DERA: variants seen among roughly 807,000 people sequenced by gnomAD.
DERA encodes the protein 2-deoxy-D-ribose 5-phosphate aldolase.
DERA carries 15 observed loss-of-function variants against 41.1 expected under a neutral mutation model. The ratio of observed to expected loss-of-function variants is 0.37; its 90% CI spans 0.24 to 0.56. DERA has a LOEUF of 0.56. Ranked by LOEUF, DERA falls within the 20% of genes least tolerant of loss-of-function variation. DERA has a pLI of 0.81. For missense variants in DERA, 396 were observed against 403.4 expected, an observed-to-expected ratio of 0.98 and a Z score of 0.16; for synonymous variants, 139 against 137.4, an observed-to-expected ratio of 1.01 and a Z score of -0.08.
At chr12:15,926,531 T>C (rs1301350305) in intron 1 of DERA, among the ~76,000 whole-genome samples, 2 of 151,056 alleles carry the variant, frequency 1.3e-5, no homozygotes, top group African/African-American at 4.9e-5. Context: ...GATGAGGAGA[T>C]CGAGACCATC....
chr12:16,008,204 G>C lies in DERA; in HGVS notation c.638-24338G>C, dbSNP rs1948925558. ...TTCTTCAGCAACGTGCAGACACATT[G>C]GTGTACAGATGCTTCATTCGCTAAT... is the stretch of plus-strand genomic sequence containing the variant. On this transcript the variant is annotated intron_variant, in intron 6 of 8. Coordinates refer to ENST00000428559, the MANE Select transcript of DERA (RefSeq NM_015954.4). This position sits in a 1 kb window ranked among gnomAD's most constrained non-coding sequence, Gnocchi z 4.8. Among the ~76,000 whole-genome samples, 1 of 152,194 alleles carries C rather than the reference G, an allele frequency of 6.6e-6. No homozygotes were observed. Among genetic ancestry groups the C allele is most frequent in the African/African-American group, 2.4e-5 (1 of 41,446 alleles).
chr12:15,980,783 T>G (rs2136161306), intron 5 of DERA, among the ~76,000 whole-genome samples: 1 of 152,326 alleles, frequency 6.6e-6, no homozygotes, highest in South Asian at 2.1e-4. Flanking sequence ...CTTTCTAAAC[T>G]TACTGAGCAT....
intron 6 of DERA, among the ~76,000 whole-genome samples, chr12:16,005,763 G>A (rs183534712): frequency 2.7e-3 from 407 of 152,224 alleles, no homozygotes; most frequent in African/African-American, 9.2e-3. Flanking sequence ...AGTTCTTCTC[G>A]TGTATCATTT....
chr12:15,956,878 A>T (rs750575184), intron 1 of DERA, 58 bp from the exon 2 acceptor site: 1 of 1,208,098 alleles, frequency 8.3e-7, no homozygotes, highest in South Asian at 1.2e-5. Context: ...ATGTAAAAAT[A>T]GGTGACTATA....
At position 15,985,088 on chromosome 12, in the gene DERA, G is replaced by A. The variant is rs911529606; in HGVS notation, c.637+2652G>A. On this transcript the variant is annotated intron_variant, in intron 6 of 8. Coordinates refer to ENST00000428559, the MANE Select transcript of DERA (RefSeq NM_015954.4). This position sits in a 1 kb window ranked among gnomAD's most constrained non-coding sequence, Gnocchi z 4.2. The stretch of plus-strand genomic sequence containing the variant: ...CACCTGTAACCACTACTCCCTTCAA[G>A]ACACAGATCATTTCCATCCTCCTAG... The A allele has an allele frequency of 6.6e-6, 1 of 152,188 alleles. No homozygotes were observed. The highest frequency in any genetic ancestry group is 1.5e-5 in the Non-Finnish European group (1 of 68,054). 9.4% of individuals were successfully genotyped at this position (152,188 alleles called of 1,614,324 possible). A position where few individuals can be genotyped will look rare whatever the true frequency, so the allele number is the denominator to read the frequency against.
At chr12:15,929,864 C>T (rs1018959169) in intron 1 of DERA, among the ~76,000 whole-genome samples, 5 of 152,108 alleles carry the variant, frequency 3.3e-5, no homozygotes, top group African/African-American at 1.2e-4. Context: ...TGAGCCCATC[C>T]TGATTAAAAT....
In DERA at chr12:15,995,956, G is replaced by A. The variant is rs991455831; in HGVS notation, c.637+13520G>A. Among the ~76,000 whole-genome samples the A allele has an allele frequency of 2.1e-4, 32 of 152,126 alleles. No homozygotes were observed. Among genetic ancestry groups the A allele is most frequent in the African/African-American group, 7.2e-4 (30 of 41,434 alleles). ...AGCTAGTTATTATAGGAAGAATTTC[G>A]TCAGTGTCTGAATCACCTGGAAATT... is the stretch of plus-strand genomic sequence containing the variant. On this transcript the variant is annotated intron_variant, in intron 6 of 8. Transcript: ENST00000428559. The surrounding 1 kb of genome is among the most constrained non-coding windows in gnomAD (Gnocchi z 5.1).
chr12:15,964,522 G>A lies in DERA; in HGVS notation c.508+1575G>A, dbSNP rs578012913. Reference sequence around the variant, plus strand: ...CCAATTACAGTCATTCTGAAAAGGCGTATTTTAAATAGATATCTCTGTTCC... The same window carrying A: ...CCAATTACAGTCATTCTGAAAAGGCATATTTTAAATAGATATCTCTGTTCC... On this transcript the variant is annotated intron_variant, in intron 5 of 8. Coordinates refer to ENST00000428559, the MANE Select transcript of DERA (RefSeq NM_015954.4). Among the ~76,000 whole-genome samples, 86 of 152,278 alleles carry A rather than the reference G, an allele frequency of 5.6e-4. No homozygotes were observed. In the South Asian group the frequency reaches 7.3e-3, roughly 13 times the overall value.
At position 16,021,830 on chromosome 12, in the gene DERA, T is replaced by A. The variant is rs1219363987; in HGVS notation, c.638-10712T>A. ...TTCTCCCTTTGGGAATGGTAATGTTTACCCAGCACCTTTGCCACAATTGTA... is the reference window on the plus strand; with the variant it reads ...TTCTCCCTTTGGGAATGGTAATGTTAACCCAGCACCTTTGCCACAATTGTA... On this transcript the variant is annotated intron_variant, in intron 6 of 8. Transcript: ENST00000428559. The surrounding 1 kb of genome is among the most constrained non-coding windows in gnomAD (Gnocchi z 5.3). Among the ~76,000 whole-genome samples the A allele has an allele frequency of 1.3e-5, 2 of 152,212 alleles. No homozygotes were observed. The highest frequency in any genetic ancestry group is 4.8e-5 in the African/African-American group (2 of 41,454).
chr12:15,958,511 A>G (rs949989561), intron 3 of DERA, among the ~76,000 whole-genome samples, 176 bp downstream of exon 3: 1 of 133,246 alleles, frequency 7.5e-6, no homozygotes, highest in African/African-American at 2.7e-5. Flanking sequence ...AGAGAATCTG[A>G]GTCTTTTTTT....
chr12:15,930,721 A>G (rs1289572258), intron 1 of DERA, among the ~76,000 whole-genome samples: 1 of 152,214 alleles, frequency 6.6e-6, no homozygotes, highest in East Asian at 1.9e-4. Context: ...CAGGAATAGT[A>G]TGAACTCACA....
chr12:16,027,597 T>C (rs538039158), intron 6 of DERA, among the ~76,000 whole-genome samples: 3 of 152,322 alleles, frequency 2.0e-5, no homozygotes, highest in Non-Finnish European at 2.9e-5. Flanking sequence ...TGAGAAATGC[T>C]GAAAGCCATT....
Position 15,938,147 on chromosome 12 carries a change from G to A in DERA, c.32-18789G>A, listed in dbSNP as rs923523847. 6.6e-6 allele frequency among the ~76,000 whole-genome samples: 1 copy of A among 152,166 alleles called. No homozygotes were observed. The highest frequency in any genetic ancestry group is 1.5e-5 in the Non-Finnish European group (1 of 68,046). On this transcript the variant is annotated intron_variant, in intron 1 of 8. Transcript: ENST00000428559. The surrounding 1 kb of genome is among the most constrained non-coding windows in gnomAD (Gnocchi z 4.1). ...AATATTGATCTGTTAAGGTTCAGTG[G>A]AGCCCAGAGGAAGACTTAGTGGTTG...
rs1482521099 is a variant in DERA, at chr12:15,911,686, T to C, written c.31+272T>C. On this transcript the variant is annotated intron_variant, in intron 1 of 8. Transcript: ENST00000428559. This position sits in a 1 kb window ranked among gnomAD's most constrained non-coding sequence, Gnocchi z 4.5. ...ATTATCTTCCTGCCTTTTCGTTCAC[T>C]CTAGCTCGCTGGTTGGAAAACCCAA... 1 of 675,720 alleles carries C rather than the reference T, an allele frequency of 1.5e-6. No homozygotes were observed. Among genetic ancestry groups the C allele is most frequent in the Admixed American group, 2.0e-5 (1 of 49,106 alleles). 41.9% of individuals were successfully genotyped at this position (675,720 alleles called of 1,614,324 possible).
At position 16,001,080 on chromosome 12, in the gene DERA, A is replaced by G. The variant is rs1016376008; in HGVS notation, c.637+18644A>G. ...TCTGCTGGAGTTATTTTTGAAGTAC[A>G]TCTATCATTTTCATTTTCTGTCCAT... On this transcript the variant is annotated intron_variant, in intron 6 of 8. Transcript: ENST00000428559. This position sits in a 1 kb window ranked among gnomAD's most constrained non-coding sequence, Gnocchi z 4.1. Among the ~76,000 whole-genome samples the G allele has an allele frequency of 2.0e-5, 3 of 152,150 alleles. No individual in the cohort carries two copies. The highest frequency in any genetic ancestry group is 7.2e-5 in the African/African-American group (3 of 41,424).
At position 16,006,391 on chromosome 12, in the gene DERA, T is replaced by G. The variant is rs1948910938; in HGVS notation, c.637+23955T>G. Among the ~76,000 whole-genome samples, 3 of 152,222 alleles carry G rather than the reference T, an allele frequency of 2.0e-5. No homozygotes were observed. In the South Asian group the frequency reaches 6.2e-4, roughly 32 times the overall value. ...GCTGGAAAAAAATAGCAGAAAAATGTAATACAAATTTATGCAGTTAAATGA... is the reference window on the plus strand; with the variant it reads ...GCTGGAAAAAAATAGCAGAAAAATGGAATACAAATTTATGCAGTTAAATGA... On this transcript the variant is annotated intron_variant, in intron 6 of 8. Transcript: ENST00000428559.
Position 16,019,761 on chromosome 12 carries a change from C to A in DERA, c.638-12781C>A, listed in dbSNP as rs1592053532. Among the ~76,000 whole-genome samples the A allele has an allele frequency of 1.3e-5, 2 of 152,222 alleles. No homozygotes were observed. The highest frequency in any genetic ancestry group is 4.1e-4 in the South Asian group (2 of 4,822). On this transcript the variant is annotated intron_variant, in intron 6 of 8. Transcript: ENST00000428559. This position sits in a 1 kb window ranked among gnomAD's most constrained non-coding sequence, Gnocchi z 4.4. The stretch of plus-strand genomic sequence containing the variant: ...TTCTAGCTAAAGTTATTTCTCTGAT[C>A]CTTTGTAATTCTTATTGATCATAAT...
At chr12:15,949,386 G>A (rs1263030726) in intron 1 of DERA, among the ~76,000 whole-genome samples, 4 of 152,114 alleles carry the variant, frequency 2.6e-5, no homozygotes, top group Non-Finnish European at 5.9e-5. Context: ...ACCTATTCAG[G>A]CCTCAGCAAT....
rs963339105 is a variant in DERA, at chr12:16,017,441, C to T, written c.638-15101C>T. 6.6e-6 allele frequency among the ~76,000 whole-genome samples: 1 copy of T among 152,164 alleles called. No individual in the cohort carries two copies. The highest frequency in any genetic ancestry group is 2.4e-5 in the African/African-American group (1 of 41,422). On this transcript the variant is annotated intron_variant, in intron 6 of 8. Transcript: ENST00000428559. The surrounding 1 kb of genome is among the most constrained non-coding windows in gnomAD (Gnocchi z 5.5). Reference sequence around the variant, plus strand: ...GCTTTTCTTTCTCTCTTTCTCTTTACCCCCTTTCTCACATGGGTAGCTAAT... The same window carrying T: ...GCTTTTCTTTCTCTCTTTCTCTTTATCCCCTTTCTCACATGGGTAGCTAAT...
Sources: allele counts gnomAD v4.1 joint callset (sites outside exome capture counted in the v4.1 genomes callset), GRCh38; gene constraint gnomAD v4.1.1; non-coding constraint Gnocchi (gnomAD v3.1); transcripts MANE v1.5; gene names NCBI Gene and HGNC (gene_info 2026-07-23, HGNC 2026-07-21).